Variants in FNDC3B observed in about 807,000 individuals in gnomAD.
The protein encoded by FNDC3B is fibronectin type III domain-containing protein 3B.
FNDC3B carries 12 observed loss-of-function variants against 151.5 expected under a neutral mutation model. The observed-to-expected ratio is 0.08, with a 90% confidence interval of 0.05 to 0.13. FNDC3B has a LOEUF of 0.13. FNDC3B is among the 10% of genes least tolerant of loss of function. The probability of loss-of-function intolerance (pLI) is 1.00; values close to 1 mark genes in which losing one functional copy is unlikely to be tolerated. For missense variants in FNDC3B, 1,214 were observed against 1,505.3 expected (o/e 0.81, Z 3.20); for synonymous variants, 528 against 549.0 (o/e 0.96, Z 0.54).
intron 22 of FNDC3B, among the ~76,000 whole-genome samples, chr3:172,354,223 T>C (rs558513801): frequency 6.6e-6 from 1 of 152,164 alleles, no homozygotes; most frequent in African/African-American, 2.4e-5. Context: ...CCATTTCTGT[T>C]TATATACAAA....
chr3:172,286,121 T>C (rs899476051), intron 7 of FNDC3B, 137 bp downstream of exon 7: 13 of 646,762 alleles, frequency 2.0e-5, no homozygotes, highest in African/African-American at 3.7e-5. Flanking sequence ...TATGAAATAG[T>C]GTTCGGTTCA....
intron 1 of FNDC3B, among the ~76,000 whole-genome samples, chr3:172,105,743 T>G (rs1200749507): frequency 6.6e-6 from 1 of 152,212 alleles, no homozygotes; most frequent in Non-Finnish European, 1.5e-5. Flanking sequence ...ATTTTATTAC[T>G]GTTATACAAA....
At chr3:172,056,247 T>C (rs1431655044) in intron 1 of FNDC3B, among the ~76,000 whole-genome samples, 1 of 152,076 alleles carries the variant, frequency 6.6e-6, no homozygotes, top group African/African-American at 2.4e-5. Context: ...TAACACAGAT[T>C]GGTGTATTTG....
chr3:172,077,543 C>T (rs1718071326), intron 1 of FNDC3B, among the ~76,000 whole-genome samples: 1 of 152,124 alleles, frequency 6.6e-6, no homozygotes. Context: ...TAGCAGATGG[C>T]GATTTATGTC....
chr3:172,257,764 C>T (rs1189872548), intron 6 of FNDC3B, among the ~76,000 whole-genome samples: 1 of 152,142 alleles, frequency 6.6e-6, no homozygotes, highest in African/African-American at 2.4e-5. Flanking sequence ...CATCTAGAAG[C>T]TTGTGAGACA....
intron 1 of FNDC3B, among the ~76,000 whole-genome samples, chr3:172,059,263 TAAAA>T (rs111346033): frequency 6.6e-6 from 1 of 151,234 alleles, no homozygotes; most frequent in African/African-American, 2.4e-5. Context: ...ATATTTCACT[TAAAA>T]AAAAAGAGTG....
rs566948231 is a variant in FNDC3B at position 172,287,407 on chromosome 3, A to G, written c.849+1423A>G. ...GGAGCGAGGAGGAACAAGATACAAGACAGGGAGATCACATGCATAGCAATG... is the reference window on the plus strand; with the variant it reads ...GGAGCGAGGAGGAACAAGATACAAGGCAGGGAGATCACATGCATAGCAATG... On this transcript the variant is annotated intron_variant, in intron 7 of 25. Transcript: ENST00000415807. Among the ~76,000 whole-genome samples the G allele has an allele frequency of 2.0e-5, 3 of 152,316 alleles. No homozygotes were observed. The East Asian group carries it at 5.8e-4, about 29-fold the overall frequency.
intron 1 of FNDC3B, among the ~76,000 whole-genome samples, chr3:172,109,124 C>T (rs1221872814): frequency 6.6e-6 from 1 of 150,480 alleles, no homozygotes; most frequent in Non-Finnish European, 1.5e-5. Flanking sequence ...TGGTTTATCT[C>T]TGGTGAAACT....
At chr3:172,110,282 A>G (rs1185632942) in intron 1 of FNDC3B, among the ~76,000 whole-genome samples, 1 of 152,154 alleles carries the variant, frequency 6.6e-6, no homozygotes, top group African/African-American at 2.4e-5. Flanking sequence ...CAGGACTCAC[A>G]CAAGAAACAA....
chr3:172,278,135 T>A (rs1251515363), intron 6 of FNDC3B, among the ~76,000 whole-genome samples: 1 of 152,248 alleles, frequency 6.6e-6, no homozygotes, highest in Non-Finnish European at 1.5e-5. Flanking sequence ...ACTTGCTGGA[T>A]AGGAGATATA....
At chr3:172,092,331 C>T (rs1259810680) in intron 1 of FNDC3B, among the ~76,000 whole-genome samples, 3 of 152,182 alleles carry the variant, frequency 2.0e-5, no homozygotes, top group Non-Finnish European at 2.9e-5. Context: ...ATGCTGGACT[C>T]TACCTTGTGT....
At chr3:172,393,231 G>C (rs1180521156) in intron 25 of FNDC3B, among the ~76,000 whole-genome samples, 1 of 152,066 alleles carries the variant, frequency 6.6e-6, no homozygotes, top group East Asian at 1.9e-4. Context: ...AAAGAAAGCA[G>C]GGATAGCTAA....
At chr3:172,378,688 A>G (rs1487690108) in intron 24 of FNDC3B, among the ~76,000 whole-genome samples, 3 of 152,172 alleles carry the variant, frequency 2.0e-5, no homozygotes, top group East Asian at 3.8e-4. Flanking sequence ...TAAGGGTTAA[A>G]TTCCTGGTGC....
At chr3:172,359,733 T>C (rs1734275890) in intron 22 of FNDC3B, among the ~76,000 whole-genome samples, 1 of 152,134 alleles carries the variant, frequency 6.6e-6, no homozygotes, top group African/African-American at 2.4e-5. Flanking sequence ...AAGACTCATA[T>C]GGGAGGCAAG....
In FNDC3B at chr3:172,251,582, C is replaced by G. The variant is rs373358016; in HGVS notation, c.790+41C>G. The stretch of plus-strand genomic sequence containing the variant: ...TTTGCCATAGAGTGAATTATCAAGA[C>G]AGAGACATCTCAAATGATGTTTCCA... On this transcript the variant is annotated intron_variant, in intron 6 of 25. Coordinates refer to ENST00000415807, the MANE Select transcript of FNDC3B (RefSeq NM_022763.4). The G allele has an allele frequency of 4.6e-6, 7 of 1,530,956 alleles. No individual in the cohort carries two copies. In the African/African-American group the frequency reaches 9.6e-5, roughly 21 times the overall value. The allele number at this position is 1,530,956 out of a possible 1,614,324, so 94.8% of individuals were successfully genotyped here.
At chr3:172,066,867 C>A (rs1298999674) in intron 1 of FNDC3B, among the ~76,000 whole-genome samples, 1 of 152,152 alleles carries the variant, frequency 6.6e-6, no homozygotes, top group Non-Finnish European at 1.5e-5. Flanking sequence ...AGTGTGTGAA[C>A]ATAGGCAGCT....
chr3:172,192,171 T>G (rs1357580632), intron 3 of FNDC3B, among the ~76,000 whole-genome samples: 13 of 73,240 alleles, frequency 1.8e-4, no homozygotes, highest in Middle Eastern at 5.8e-3. Context: ...TTGTGTGTGT[T>G]TTTTGTTTTT....
In FNDC3B at chr3:172,310,881, G is replaced by A; in HGVS notation, c.1254G>A (p.Glu418=). ...CCAACTACCTTTTAGAGTGGGATGA[G>A]GTAAGCTTATTTTCATATTCACCCA... ...KITNYLLEWD[E]GKRNSGFRQC... is the part of the protein sequence containing the mutation. Residue 418 remains glutamate (E), a splice_region_variant and synonymous_variant, in exon 11 of 26, where the codon GAG becomes GAA. Coordinates refer to ENST00000415807, the MANE Select transcript of FNDC3B (RefSeq NM_022763.4). The A allele has an allele frequency of 6.2e-7, 1 of 1,607,334 alleles. No individual in the cohort carries two copies. Among genetic ancestry groups the A allele is most frequent in the Non-Finnish European group, 8.5e-7 (1 of 1,173,850 alleles).
intron 9 of FNDC3B, among the ~76,000 whole-genome samples, chr3:172,301,212 A>G (rs1560066056): frequency 6.6e-6 from 1 of 152,240 alleles, no homozygotes; most frequent in Non-Finnish European, 1.5e-5. Flanking sequence ...AAAGTCATGT[A>G]TAAGTGCTAC....
Sources: gnomAD v4.1 joint callset for allele counts (sites outside exome capture counted in the v4.1 genomes callset) on GRCh38, gnomAD v4.1.1 for gene constraint, MANE v1.5 for transcripts, NCBI Gene and HGNC (gene_info 2026-07-23, HGNC 2026-07-21) for gene names.